FRMD4A: variants seen among roughly 807,000 people sequenced by gnomAD.
FRMD4A encodes the protein FERM domain-containing protein 4A.
In FRMD4A, 29 loss-of-function variants were observed where a neutral mutation model predicts 129.1. The ratio of observed to expected loss-of-function variants is 0.22; its 90% CI spans 0.17 to 0.31. The LOEUF (loss-of-function observed/expected upper bound fraction) is 0.31. Ranked by LOEUF, FRMD4A falls within the 10% of genes least tolerant of loss-of-function variation. The pLI is 1.00. For missense variants in FRMD4A, 1,272 were observed against 1,375.8 expected, an observed-to-expected ratio of 0.92 and a Z score of 1.19; for synonymous variants, 634 against 571.6, an observed-to-expected ratio of 1.11 and a Z score of -1.56.
chr10:13,844,954 G>A lies in FRMD4A; in HGVS notation c.111+13893C>T, dbSNP rs181906469. The stretch of plus-strand genomic sequence containing the variant: ...TATGAGTAATGGGCTGGAAAGACCA[G>A]TCACTGTCTGGTTGATAAGGGATAC... On this transcript the variant is annotated intron_variant, in intron 3 of 24. Coordinates refer to ENST00000357447, the MANE Select transcript of FRMD4A (RefSeq NM_018027.5). 3.2e-4 allele frequency among the ~76,000 whole-genome samples: 49 copies of A among 152,332 alleles called. 1 individual carries two copies. Among genetic ancestry groups the A allele is most frequent in the African/African-American group, 1.2e-3 (48 of 41,568 alleles).
intron 2 of FRMD4A, among the ~76,000 whole-genome samples, chr10:13,875,900 G>A (rs1477592537): frequency 6.6e-6 from 1 of 152,214 alleles, no homozygotes; most frequent in Non-Finnish European, 1.5e-5. Flanking sequence ...ACCCAAATGG[G>A]GGTTCGGGGG....
chr10:14,145,094 T>G (rs1006564524), intron 2 of FRMD4A, among the ~76,000 whole-genome samples: 1 of 152,102 alleles, frequency 6.6e-6, no homozygotes, highest in Admixed American at 6.6e-5. Context: ...ACCATGAGCT[T>G]ACATAGAAAC....
intron 18 of FRMD4A, 78 bp from the exon 19 acceptor site, chr10:13,663,587 T>C: frequency 1.3e-6 from 1 of 783,730 alleles, no homozygotes; most frequent in African/African-American, 1.7e-5. Flanking sequence ...ATAGCATGTC[T>C]ACTACCACCT....
chr10:13,690,543 AC>A (rs1325332338), intron 15 of FRMD4A, among the ~76,000 whole-genome samples: 2 of 152,108 alleles, frequency 1.3e-5, no homozygotes, highest in African/African-American at 4.8e-5. Flanking sequence ...GGTGTGGGGC[AC>A]CCCAAGGAGC....
chr10:14,215,247 C>T (rs966541426), intron 2 of FRMD4A, among the ~76,000 whole-genome samples: 3 of 152,174 alleles, frequency 2.0e-5, no homozygotes, highest in South Asian at 4.2e-4. Context: ...TACAGTTCAG[C>T]GAAAAACAAG....
At chr10:14,230,364 T>C (rs779081623) in intron 2 of FRMD4A, among the ~76,000 whole-genome samples, 11 of 152,252 alleles carry the variant, frequency 7.2e-5, no homozygotes, top group Non-Finnish European at 1.3e-4. Flanking sequence ...GCGTGTCCTG[T>C]GCAAATTTCT....
intron 2 of FRMD4A, among the ~76,000 whole-genome samples, chr10:13,969,667 G>A (rs192287677): frequency 6.6e-5 from 10 of 152,214 alleles, no homozygotes; most frequent in Admixed American, 4.6e-4. Flanking sequence ...CCTGGCCAAC[G>A]TAGTGAGACC....
At chr10:13,995,181 T>C (rs2095618208) in intron 2 of FRMD4A, among the ~76,000 whole-genome samples, 1 of 152,166 alleles carries the variant, frequency 6.6e-6, no homozygotes, top group African/African-American at 2.4e-5. Flanking sequence ...AAAAAGGAAG[T>C]CACAGAGTCC....
intron 2 of FRMD4A, among the ~76,000 whole-genome samples, chr10:14,224,310 C>T (rs191997108): frequency 6.6e-6 from 1 of 152,312 alleles, no homozygotes; most frequent in Admixed American, 6.5e-5. Context: ...GCTTTCTCTG[C>T]CATCCTTGTT....
intron 2 of FRMD4A, among the ~76,000 whole-genome samples, chr10:13,945,743 T>A (rs967523250): frequency 2.0e-5 from 3 of 152,126 alleles, no homozygotes; most frequent in African/African-American, 7.2e-5. Flanking sequence ...AGAGCCAGGG[T>A]CACCCCAGGA....
chr10:13,850,001 T>C (rs1046246768), intron 3 of FRMD4A, among the ~76,000 whole-genome samples: 10 of 151,756 alleles, frequency 6.6e-5, no homozygotes, highest in Admixed American at 5.9e-4. Flanking sequence ...AAATCCCGCC[T>C]CTACTAAAAA....
At chr10:14,002,700 A>G (rs928909346) in intron 2 of FRMD4A, among the ~76,000 whole-genome samples, 3 of 152,132 alleles carry the variant, frequency 2.0e-5, no homozygotes, top group Non-Finnish European at 2.9e-5. Flanking sequence ...GATTTGTGCT[A>G]TTGTAAAGGG....
At chr10:13,867,651 AAATATAT>A (rs1333429700) in intron 2 of FRMD4A, among the ~76,000 whole-genome samples, 3 of 134,536 alleles carry the variant, frequency 2.2e-5, no homozygotes, top group South Asian at 2.1e-4. Context: ...AATACATAAT[AAATATAT>A]AATATATAAT....
intron 2 of FRMD4A, among the ~76,000 whole-genome samples, chr10:13,865,834 A>G (rs1564936303): frequency 1.3e-5 from 2 of 152,152 alleles, no homozygotes; most frequent in Non-Finnish European, 2.9e-5. Context: ...AAAATAGTCA[A>G]TTGACACCTG....
intron 2 of FRMD4A, among the ~76,000 whole-genome samples, chr10:14,096,391 C>T (rs1451946771): frequency 6.6e-6 from 1 of 152,160 alleles, no homozygotes; most frequent in East Asian, 1.9e-4. Flanking sequence ...GTTATAGCAG[C>T]CTGAACTGAC....
chr10:14,275,527 G>A lies in FRMD4A; in HGVS notation c.45+54531C>T, dbSNP rs530672790. Among the ~76,000 whole-genome samples, 3 of 152,334 alleles carry A rather than the reference G, an allele frequency of 2.0e-5. No homozygotes were observed. In the East Asian group the frequency reaches 5.8e-4, roughly 29 times the overall value. ...ATGTTAGGCAGTGCAAAGAAAGGGAGAAAGGATGAAGAAAAACATCCAAGG... is the reference window on the plus strand; with the variant it reads ...ATGTTAGGCAGTGCAAAGAAAGGGAAAAAGGATGAAGAAAAACATCCAAGG... On this transcript the variant is annotated intron_variant, in intron 2 of 24. Transcript: ENST00000357447.
intron 9 of FRMD4A, among the ~76,000 whole-genome samples, chr10:13,744,226 T>G (rs2091172518): frequency 6.6e-6 from 1 of 151,860 alleles, no homozygotes; most frequent in Non-Finnish European, 1.5e-5. Context: ...GCGATAGGGG[T>G]GGTCAGGTGG....
At chr10:14,079,315 C>T (rs1835792389) in intron 2 of FRMD4A, among the ~76,000 whole-genome samples, 1 of 152,166 alleles carries the variant, frequency 6.6e-6, no homozygotes, top group South Asian at 2.1e-4. Context: ...GCACCCTCTC[C>T]TCCTGTCTGC....
At chr10:13,856,714 C>T (rs922613852) in intron 3 of FRMD4A, among the ~76,000 whole-genome samples, 5 of 152,156 alleles carry the variant, frequency 3.3e-5, no homozygotes, top group African/African-American at 7.2e-5. Context: ...GAACTTCTCT[C>T]GTTCGCCTAA....
Sources: gnomAD v4.1 joint callset for allele counts (sites outside exome capture counted in the v4.1 genomes callset) on GRCh38, gnomAD v4.1.1 for gene constraint, MANE v1.5 for transcripts, NCBI Gene and HGNC (gene_info 2026-07-23, HGNC 2026-07-21) for gene names.